MAP3K5: variants seen among roughly 807,000 people sequenced by gnomAD.
MAP3K5 encodes mitogen-activated protein kinase kinase kinase 5, also known as ASK-1.
A neutral mutation model predicts 158.7 loss-of-function variants in MAP3K5; 56 were observed. That is an observed-to-expected ratio of 0.35 (90% confidence interval 0.28 to 0.44). The LOEUF is 0.44. Among genes scored for constraint, MAP3K5 ranks in the 20% least tolerant of loss-of-function variants. MAP3K5 has a pLI of 1.00. For synonymous variants in MAP3K5, 579 were observed against 601.7 expected, an observed-to-expected ratio of 0.96 and a Z score of 0.55; for missense variants, 1,294 against 1,674.8, an observed-to-expected ratio of 0.77 and a Z score of 3.97.
chr6:136,792,464 T>TTGTCAGCCG lies in MAP3K5; in HGVS notation c.-308_-307insCGGCTGACA. On this transcript the variant is annotated 5_prime_UTR_variant, in exon 1 of 30. Transcript: ENST00000359015. The surrounding 1 kb of genome is among the most constrained non-coding windows in gnomAD (Gnocchi z 5.7). ...ACGGAGCTTCCTTTTCTTGGCCGGC[T>TTGTCAGCCG]GACAAGTCGGCTCGCAAACCTGCGC... is the stretch of plus-strand genomic sequence containing the variant. The TTGTCAGCCG allele has an allele frequency of 1.2e-6, 1 of 823,438 alleles. No homozygotes were observed. The highest frequency in any genetic ancestry group is 1.5e-6 in the Non-Finnish European group (1 of 683,196). The allele number at this position is 823,438 out of a possible 1,614,324, so 51.0% of individuals were successfully genotyped here.
chr6:136,627,247 T>C (rs1017018439), intron 14 of MAP3K5, among the ~76,000 whole-genome samples: 16 of 152,178 alleles, frequency 1.1e-4, no homozygotes, highest in Non-Finnish European at 2.9e-5. Flanking sequence ...TCAGAATCTC[T>C]GTAGAAGTAG....
At chr6:136,760,248 T>C (rs888274809) in intron 1 of MAP3K5, among the ~76,000 whole-genome samples, 2 of 152,186 alleles carry the variant, frequency 1.3e-5, no homozygotes, top group African/African-American at 4.8e-5. Context: ...CAGTCAGTTA[T>C]ATATATAATT....
intron 25 of MAP3K5, among the ~76,000 whole-genome samples, chr6:136,573,934 CTT>C (rs10601118): frequency 0.14 from 20,275 of 144,420 alleles, 1,499 homozygotes; most frequent in East Asian, 0.3. Flanking sequence ...TCTTTTCTTT[CTT>C]TTTTTTTTTT....
chr6:136,626,759 A>C (rs918534066), intron 14 of MAP3K5, among the ~76,000 whole-genome samples: 1 of 151,622 alleles, frequency 6.6e-6, no homozygotes, highest in Non-Finnish European at 1.5e-5. Context: ...TTTACACTAC[A>C]ATGCTTTATA....
chr6:136,697,827 C>A (rs1018096169), intron 4 of MAP3K5, among the ~76,000 whole-genome samples: 1 of 152,168 alleles, frequency 6.6e-6, no homozygotes, highest in Non-Finnish European at 1.5e-5. Context: ...TCACTGCAAC[C>A]TCCATCTCCT....
chr6:136,611,107 C>CAAAAAAAAAAAAAA (rs59508317), intron 18 of MAP3K5, among the ~76,000 whole-genome samples, 175 bp downstream of exon 18: 45 of 24,410 alleles, frequency 1.8e-3, no homozygotes, highest in Non-Finnish European at 2.5e-3. Flanking sequence ...GACCCTGTCT[C>CAAAAAAAAAAAAAA]AAAAAAAAAA....
At chr6:136,588,260 A>T (rs1389153820) in intron 23 of MAP3K5, among the ~76,000 whole-genome samples, 2 of 152,192 alleles carry the variant, frequency 1.3e-5, no homozygotes, top group Non-Finnish European at 2.9e-5. Context: ...TGGTGGTTAA[A>T]GCAAAAACTT....
At chr6:136,665,999 C>T (rs1779215832) in intron 8 of MAP3K5, among the ~76,000 whole-genome samples, 1 of 152,132 alleles carries the variant, frequency 6.6e-6, no homozygotes, top group East Asian at 1.9e-4. Context: ...TGACTCTCAC[C>T]CATAAAATGT....
intron 14 of MAP3K5, among the ~76,000 whole-genome samples, chr6:136,629,840 T>C (rs1347891789): frequency 6.6e-6 from 1 of 151,566 alleles, no homozygotes; most frequent in African/African-American, 2.4e-5. Flanking sequence ...CAGGCTGGAG[T>C]GCCTAGGTTC....
chr6:136,571,052 T>G (rs145925087), intron 25 of MAP3K5, among the ~76,000 whole-genome samples: 61 of 152,302 alleles, frequency 4.0e-4, no homozygotes, highest in African/African-American at 1.4e-3. Flanking sequence ...TCTCTCTCAA[T>G]TGGTTCCTTC....
intron 4 of MAP3K5, 78 bp downstream of exon 4, chr6:136,698,411 C>T (rs1189425589): frequency 1.6e-6 from 2 of 1,249,366 alleles, no homozygotes; most frequent in Non-Finnish European, 2.3e-6. Flanking sequence ...CTCAGGAGCA[C>T]CTGATATCAT....
intron 1 of MAP3K5, among the ~76,000 whole-genome samples, chr6:136,773,949 C>T (rs928582434): frequency 2.6e-5 from 4 of 152,258 alleles, no homozygotes; most frequent in Non-Finnish European, 4.4e-5. Context: ...CATGAGTCAC[C>T]ATGCCCCGCC....
chr6:136,778,575 G>T (rs571149874), intron 1 of MAP3K5, among the ~76,000 whole-genome samples: 2 of 152,126 alleles, frequency 1.3e-5, no homozygotes, highest in African/African-American at 4.8e-5. Context: ...TAGATATCTT[G>T]CAGATTTTAA....
At chr6:136,771,976 G>C (rs1447406595) in intron 1 of MAP3K5, among the ~76,000 whole-genome samples, 1 of 151,486 alleles carries the variant, frequency 6.6e-6, no homozygotes, top group South Asian at 2.1e-4. Flanking sequence ...CTGGAGTGCA[G>C]TGGCTCACTG....
intron 21 of MAP3K5, among the ~76,000 whole-genome samples, chr6:136,599,939 C>G (rs1775801190): frequency 6.6e-6 from 1 of 152,038 alleles, no homozygotes; most frequent in Non-Finnish European, 1.5e-5. Context: ...CAAGGGTGTG[C>G]CTGTCTTCTT....
chr6:136,594,229 C>T (rs915717003), intron 21 of MAP3K5, among the ~76,000 whole-genome samples: 8 of 152,118 alleles, frequency 5.3e-5, no homozygotes, highest in African/African-American at 9.7e-5. Flanking sequence ...TAGCATTTCA[C>T]GGACCATATT....
intron 1 of MAP3K5, among the ~76,000 whole-genome samples, chr6:136,743,824 G>GTA (rs1432171861): frequency 2.0e-5 from 3 of 152,134 alleles, no homozygotes; most frequent in Non-Finnish European, 4.4e-5. Flanking sequence ...ATAAACTGTG[G>GTA]TACAGACAGA....
At chr6:136,603,944 T>C (rs970571696) in intron 19 of MAP3K5, among the ~76,000 whole-genome samples, 4 of 152,190 alleles carry the variant, frequency 2.6e-5, no homozygotes, top group Non-Finnish European at 5.9e-5. Flanking sequence ...TAACAACACA[T>C]GGCCCCTCAC....
intron 12 of MAP3K5, among the ~76,000 whole-genome samples, chr6:136,641,467 C>A (rs1029467776): frequency 3.9e-5 from 6 of 151,998 alleles, no homozygotes; most frequent in East Asian, 1.9e-4. Flanking sequence ...TTCAATAGAA[C>A]AATTATTTAA....
Sources: gnomAD v4.1 joint callset for allele counts (sites outside exome capture counted in the v4.1 genomes callset) on GRCh38, gnomAD v4.1.1 for gene constraint, Gnocchi (gnomAD v3.1) non-coding constraint, MANE v1.5 for transcripts, NCBI Gene and HGNC (gene_info 2026-07-23, HGNC 2026-07-21) for gene names.